PKP4: variants seen among roughly 807,000 people sequenced by gnomAD.
The protein encoded by PKP4 is plakophilin-4.
Under a neutral mutation model 145.1 loss-of-function variants are expected in PKP4, and 90 were observed. The ratio of observed to expected loss-of-function variants is 0.62; its 90% CI spans 0.52 to 0.74. The LOEUF is 0.74. Among genes scored for constraint, PKP4 ranks in the 30% least tolerant of loss-of-function variants. PKP4 has a pLI of 0.00. For synonymous variants in PKP4, 563 were observed against 577.2 expected, an observed-to-expected ratio of 0.98 and a Z score of 0.35; for missense variants, 1,340 against 1,482.7, an observed-to-expected ratio of 0.90 and a Z score of 1.58.
chr2:158,466,991 A>G (rs528884942), intron 1 of PKP4, among the ~76,000 whole-genome samples: 4 of 152,256 alleles, frequency 2.6e-5, no homozygotes, highest in Non-Finnish European at 5.9e-5. Context: ...CAAAGGGGAA[A>G]TGTTACAAAA....
intron 1 of PKP4, among the ~76,000 whole-genome samples, chr2:158,508,137 ACCTGAGGTCAGGAGTTCAAGACCAG>A (rs1401115250): frequency 6.6e-6 from 1 of 151,900 alleles, no homozygotes; most frequent in East Asian, 1.9e-4. Flanking sequence ...TGGGCGGATC[ACCTGAGGTCAGGAGTTCAAGACCAG>A]CCTGGCCAAC....
intron 11 of PKP4, among the ~76,000 whole-genome samples, chr2:158,657,273 A>G (rs1053057876): frequency 6.6e-6 from 1 of 152,004 alleles, no homozygotes; most frequent in Non-Finnish European, 1.5e-5. Context: ...TATGAGAGCA[A>G]TTATTGGAAA....
At chr2:158,501,326 C>A (rs1010801008) in intron 1 of PKP4, among the ~76,000 whole-genome samples, 4 of 152,230 alleles carry the variant, frequency 2.6e-5, no homozygotes, top group African/African-American at 9.6e-5. Context: ...TTTTTGGCCT[C>A]TCTGGATATC....
chr2:158,561,774 A>T (rs906471448), intron 2 of PKP4, among the ~76,000 whole-genome samples: 1 of 151,452 alleles, frequency 6.6e-6, no homozygotes, highest in African/African-American at 2.4e-5. Context: ...TAAACAAATG[A>T]ATGTATAATC....
In PKP4 at chr2:158,457,152, GCGGCGACCCC is replaced by G. The variant is rs972579885; in HGVS notation, c.-71_-62del. ...TTTTTTAATTTTTTCGGGTGCCGCA[GCGGCGACCCC>G]TCGGCGCCGATGTCCCTGATCCCTG... is the stretch of plus-strand genomic sequence containing the variant. On this transcript the variant is annotated 5_prime_UTR_variant, in exon 1 of 22. Coordinates refer to ENST00000389759, the MANE Select transcript of PKP4 (RefSeq NM_003628.6). 4 of 151,358 alleles carry G rather than the reference GCGGCGACCCC, an allele frequency of 2.6e-5. No individual in the cohort carries two copies. Among genetic ancestry groups the G allele is most frequent in the Non-Finnish European group, 5.9e-5 (4 of 67,776 alleles). 9.4% of individuals were successfully genotyped at this position (151,358 alleles called of 1,614,324 possible).
Position 158,634,119 on chromosome 2 carries a change from A to T in PKP4, c.1392A>T (p.Thr464=), listed in dbSNP as rs755053184. The T allele has an allele frequency of 1.2e-6, 2 of 1,614,112 alleles. No homozygotes were observed. The highest frequency in any genetic ancestry group is 1.7e-6 in the Non-Finnish European group (2 of 1,179,926). The change falls in exon 9 of 22, where the codon ACA becomes ACT. Residue 464 remains threonine, a synonymous_variant. Transcript: ENST00000389759. Reference sequence around the variant, plus strand: ...CATCCAGCCAACGAAGTACCCTTACATACCAAAGAAATAATTATGCTCTGA... The same window carrying T: ...CATCCAGCCAACGAAGTACCCTTACTTACCAAAGAAATAATTATGCTCTGA... ...QRTSSQRSTL[T]YQRNNYALNT... is the part of the protein sequence containing the mutation.
chr2:158,564,620 G>A (rs1239367239), intron 2 of PKP4, among the ~76,000 whole-genome samples: 1 of 152,140 alleles, frequency 6.6e-6, no homozygotes, highest in Non-Finnish European at 1.5e-5. Context: ...GTACGTGTAA[G>A]TGCCCATTTC....
intron 4 of PKP4, among the ~76,000 whole-genome samples, chr2:158,617,422 A>G (rs1404011842): frequency 2.6e-5 from 4 of 152,026 alleles, no homozygotes. Context: ...ATGTCTCTTG[A>G]TTTCTTATGC....
chr2:158,615,894 A>T (rs1289324711), intron 4 of PKP4, among the ~76,000 whole-genome samples: 1 of 152,174 alleles, frequency 6.6e-6, no homozygotes, highest in Non-Finnish European at 1.5e-5. Flanking sequence ...CCATTGCCTG[A>T]TTAATATTGA....
intron 1 of PKP4, among the ~76,000 whole-genome samples, chr2:158,516,594 A>C (rs1259503112): frequency 6.6e-6 from 1 of 152,070 alleles, no homozygotes; most frequent in African/African-American, 2.4e-5. Context: ...AGAAAGAAAA[A>C]CCAGTATGGG....
At chr2:158,553,613 G>T (rs1158976156) in intron 2 of PKP4, among the ~76,000 whole-genome samples, 1 of 142,772 alleles carries the variant, frequency 7.0e-6, no homozygotes, top group African/African-American at 2.5e-5. Context: ...CAAGGATACA[G>T]CTTTGGCCTA....
Position 158,507,780 on chromosome 2 carries a change from G to T in PKP4, c.-5-25400G>T, listed in dbSNP as rs569368636. Reference sequence around the variant, plus strand: ...AGCAGTCTGATAAGAAGGTAGTGTGGGGGGGTCTCCGGGTCCACAGAATTT... The same window carrying T: ...AGCAGTCTGATAAGAAGGTAGTGTGTGGGGGTCTCCGGGTCCACAGAATTT... On this transcript the variant is annotated intron_variant, in intron 1 of 21. Transcript: ENST00000389759. Among the ~76,000 whole-genome samples the T allele has an allele frequency of 2.0e-5, 3 of 152,182 alleles. No homozygotes were observed. The South Asian group carries it at 6.2e-4, about 32-fold the overall frequency.
intron 1 of PKP4, among the ~76,000 whole-genome samples, chr2:158,476,375 G>A (rs1011282132): frequency 1.3e-5 from 2 of 152,112 alleles, no homozygotes; most frequent in African/African-American, 4.8e-5. Flanking sequence ...CTCTTGCCCA[G>A]CCCGGAGTGC....
chr2:158,515,678 T>C (rs2041880565), intron 1 of PKP4, among the ~76,000 whole-genome samples: 1 of 152,210 alleles, frequency 6.6e-6, no homozygotes, highest in Non-Finnish European at 1.5e-5. Flanking sequence ...CATTTGCTCA[T>C]GAATGATAAT....
At chr2:158,559,578 A>G (rs1221328062) in intron 2 of PKP4, among the ~76,000 whole-genome samples, 4 of 152,090 alleles carry the variant, frequency 2.6e-5, no homozygotes, top group African/African-American at 9.7e-5. Context: ...TTCTCTTGCA[A>G]TTGCGGCTTC....
At chr2:158,577,200 C>T in intron 2 of PKP4, 71 bp from the exon 3 acceptor site, 1 of 896,928 alleles carries the variant, frequency 1.1e-6, no homozygotes, top group Non-Finnish European at 1.8e-6. Context: ...CTGTGACATA[C>T]ATTAATTCAT....
chr2:158,567,397 C>G (rs961531046), intron 2 of PKP4, among the ~76,000 whole-genome samples: 2 of 152,076 alleles, frequency 1.3e-5, no homozygotes, highest in Admixed American at 1.3e-4. Context: ...TATTTGGGGG[C>G]CAGACTATAC....
At chr2:158,537,389 G>A (rs2044140256) in intron 2 of PKP4, among the ~76,000 whole-genome samples, 1 of 152,190 alleles carries the variant, frequency 6.6e-6, no homozygotes, top group Non-Finnish European at 1.5e-5. Flanking sequence ...TTATCTTGGT[G>A]ATGTCACAAA....
chr2:158,585,974 C>G (rs967752708), intron 3 of PKP4, among the ~76,000 whole-genome samples: 1 of 150,404 alleles, frequency 6.6e-6, no homozygotes, highest in Non-Finnish European at 1.5e-5. Context: ...CACTCTGTAT[C>G]TATGGATTTG....
Sources: allele counts gnomAD v4.1 joint callset (sites outside exome capture counted in the v4.1 genomes callset), GRCh38; gene constraint gnomAD v4.1.1; transcripts MANE v1.5; gene names NCBI Gene and HGNC (gene_info 2026-07-23, HGNC 2026-07-21).